Variants in TYW1 observed in about 807,000 individuals in gnomAD.
TYW1 encodes tRNA-yW synthesizing protein 1 homolog.
TYW1 carries 46 observed loss-of-function variants against 96.2 expected under a neutral mutation model. That is an observed-to-expected ratio of 0.48 (90% CI 0.38 to 0.61). TYW1 has a LOEUF of 0.61. Among genes scored for constraint, TYW1 ranks in the 20% least tolerant of loss-of-function variants. TYW1 has a pLI of 0.00. For synonymous variants in TYW1, 274 were observed against 323.0 expected, an observed-to-expected ratio of 0.85 and a Z score of 1.63; for missense variants, 684 against 909.6, an observed-to-expected ratio of 0.75 and a Z score of 3.19.
At chr7:67,182,680 T>C (rs1353603019) in intron 13 of TYW1, among the ~76,000 whole-genome samples, 1 of 152,210 alleles carries the variant, frequency 6.6e-6, no homozygotes, top group Non-Finnish European at 1.5e-5. Flanking sequence ...CAAGAGATCA[T>C]TAAATAATGA....
At chr7:67,050,910 C>T (rs4718444) in intron 8 of TYW1, among the ~76,000 whole-genome samples, 88,541 of 150,262 alleles carry the variant, frequency 0.59, 25,973 homozygotes, top group Middle Eastern at 0.68. Flanking sequence ...CTTTTTTTTT[C>T]TTTGAGACAG....
chr7:67,156,584 C>T (rs11771037), intron 13 of TYW1, among the ~76,000 whole-genome samples: 45,572 of 151,862 alleles, frequency 0.3, 7,163 homozygotes, highest in African/African-American at 0.39. Flanking sequence ...TTTCCCAAGG[C>T]ATAGGACATG....
chr7:67,237,346 A>G (rs1342596603), intron 15 of TYW1, among the ~76,000 whole-genome samples: 1 of 150,930 alleles, frequency 6.6e-6, no homozygotes, highest in Non-Finnish European at 1.5e-5. Context: ...TAAAAATACA[A>G]AAAATTAGCC....
intron 13 of TYW1, among the ~76,000 whole-genome samples, chr7:67,161,794 T>C (rs1799169807): frequency 6.6e-6 from 1 of 152,318 alleles, no homozygotes; most frequent in East Asian, 1.9e-4. Context: ...TCTGGGCTCA[T>C]CTTCCTATCA....
chr7:67,014,610 C>G (rs6968334), intron 5 of TYW1, 49 bp downstream of exon 5: 209,845 of 1,560,452 alleles, frequency 0.13, 17,390 homozygotes, highest in East Asian at 0.48. Flanking sequence ...TAAACACACA[C>G]ACACGCACAC....
intron 12 of TYW1, among the ~76,000 whole-genome samples, chr7:67,117,275 G>C (rs1797624059): frequency 6.6e-6 from 1 of 152,122 alleles, no homozygotes; most frequent in Admixed American, 6.5e-5. Flanking sequence ...ATTAGGGATG[G>C]TTTCCAGTCA....
intron 7 of TYW1, among the ~76,000 whole-genome samples, chr7:67,033,398 G>A (rs1220317854): frequency 6.6e-6 from 1 of 152,174 alleles, no homozygotes; most frequent in Non-Finnish European, 1.5e-5. Context: ...CAGCAGCAGT[G>A]CTCACTTGCT....
chr7:67,226,665 C>T (rs1209241975), intron 15 of TYW1, among the ~76,000 whole-genome samples: 2 of 152,182 alleles, frequency 1.3e-5, no homozygotes, highest in Non-Finnish European at 2.9e-5. Flanking sequence ...ACAGCTGGCT[C>T]TGTGTGAATT....
At chr7:67,222,420 G>T (rs530112194) in intron 15 of TYW1, among the ~76,000 whole-genome samples, 1 of 151,968 alleles carries the variant, frequency 6.6e-6, no homozygotes, top group Non-Finnish European at 1.5e-5. Flanking sequence ...TTGTTTATTT[G>T]GAAATGTCTT....
At chr7:67,184,851 C>G (rs1447235290) in intron 14 of TYW1, among the ~76,000 whole-genome samples, 5 of 151,464 alleles carry the variant, frequency 3.3e-5, no homozygotes, top group African/African-American at 4.9e-5. Context: ...GGTGCTACAG[C>G]TGCCCACTAC....
intron 6 of TYW1, among the ~76,000 whole-genome samples, chr7:67,018,806 A>G (rs1794113787): frequency 6.6e-6 from 1 of 151,572 alleles, no homozygotes; most frequent in Admixed American, 6.6e-5. Context: ...AAATACAAAA[A>G]TTAGCCAGGT....
chr7:67,049,525 A>T (rs548643991), intron 7 of TYW1, among the ~76,000 whole-genome samples: 179 of 151,986 alleles, frequency 1.2e-3, no homozygotes, highest in African/African-American at 3.7e-3. Context: ...AGCCCTTTTT[A>T]AAAATTTTTT....
intron 13 of TYW1, among the ~76,000 whole-genome samples, chr7:67,123,837 A>G (rs1047194565): frequency 6.6e-6 from 1 of 152,244 alleles, no homozygotes; most frequent in Non-Finnish European, 1.5e-5. Context: ...GTATGACAAA[A>G]AAGAAAATAG....
intron 15 of TYW1, among the ~76,000 whole-genome samples, chr7:67,220,658 T>G (rs150790712): frequency 0.033 from 5,018 of 152,206 alleles, 137 homozygotes; most frequent in Non-Finnish European, 0.056. Flanking sequence ...ATTCTGTTGT[T>G]GTTAGGTACA....
At chr7:67,133,011 A>G (rs1477191236) in intron 13 of TYW1, among the ~76,000 whole-genome samples, 1 of 152,162 alleles carries the variant, frequency 6.6e-6, no homozygotes, top group Admixed American at 6.5e-5. Context: ...GGATATGTAC[A>G]TCTTAAACTT....
intron 11 of TYW1, among the ~76,000 whole-genome samples, chr7:67,091,255 T>G (rs1028147106): frequency 6.6e-6 from 1 of 150,468 alleles, no homozygotes; most frequent in Admixed American, 6.6e-5. Flanking sequence ...TGAATTCATG[T>G]TTTTTTTAGG....
intron 14 of TYW1, among the ~76,000 whole-genome samples, chr7:67,183,619 G>A (rs1313967109): frequency 6.6e-6 from 1 of 152,122 alleles, no homozygotes; most frequent in African/African-American, 2.4e-5. Flanking sequence ...TTGGTCTAAT[G>A]AACTCCCATC....
At chr7:67,092,236 C>T (rs1401444737) in intron 11 of TYW1, among the ~76,000 whole-genome samples, 1 of 152,086 alleles carries the variant, frequency 6.6e-6, no homozygotes, top group East Asian at 1.9e-4. Context: ...TTTGCCACCT[C>T]CACTATCGTG....
At chr7:67,109,273 CAA>C (rs1203625487) in intron 12 of TYW1, among the ~76,000 whole-genome samples, 23 of 49,094 alleles carry the variant, frequency 4.7e-4, no homozygotes, top group East Asian at 1.4e-3. Flanking sequence ...GACTCCGTCT[CAA>C]AAAAAAAAAA....
Sources: allele counts gnomAD v4.1 joint callset (sites outside exome capture counted in the v4.1 genomes callset), GRCh38; gene constraint gnomAD v4.1.1; transcripts MANE v1.5; gene names NCBI Gene and HGNC (gene_info 2026-07-23, HGNC 2026-07-21).